CYBB: variants seen among roughly 807,000 people sequenced by gnomAD.
The protein encoded by CYBB is NADPH oxidase 2.
In CYBB, 5 loss-of-function variants were observed where a neutral mutation model predicts 46.5. The observed-to-expected ratio is 0.11, with a 90% CI of 0.06 to 0.23. The LOEUF is 0.23. Among genes scored for constraint, CYBB ranks in the 10% least tolerant of loss-of-function variants. CYBB has a pLI of 1.00. For synonymous variants in CYBB, 183 were observed against 156.7 expected (o/e 1.17, Z -1.26); for missense variants, 307 against 428.3 (o/e 0.72, Z 2.50).
At chrX:37,785,987 C>T (rs982258023) in intron 3 of CYBB, among the ~76,000 whole-genome samples, 9 of 111,524 alleles carry the variant, frequency 8.1e-5, no homozygotes, top group Non-Finnish European at 1.5e-4. Flanking sequence ...ATGAGACTGC[C>T]CTTCAAATCG....
At position 37,809,608 on chromosome X, in the gene CYBB, G is replaced by A. The variant is rs187491185; in HGVS notation, c.1503G>A (p.Val501=). 3.3e-6 allele frequency: 4 copies of A among 1,201,978 alleles called. No homozygotes were observed. In the Admixed American group the frequency reaches 8.9e-5, roughly 27 times the overall value. Residue 501 remains valine (V), a synonymous_variant, in exon 12 of 13, where the codon GTG becomes GTA. Coordinates refer to ENST00000378588, the MANE Select transcript of CYBB (RefSeq NM_000397.4). ...FAVHHDEEKD[V]ITGLKQKTLY... is the part of the protein sequence containing the mutation. The stretch of plus-strand genomic sequence containing the variant: ...TGCACCATGATGAGGAGAAAGATGT[G>A]ATCACAGGCCTGAAACAAAAGACTT...
chrX:37,801,586 T>TTGTGTGTGTGTGTGTG lies in CYBB; in HGVS notation c.897+266_897+281dup, dbSNP rs58302662. ...TCTGGACATCAATCTCCCCCACCCATTGTGTGTGTGTGTGTGTGTGTGTGT... is the reference window on the plus strand; with the variant it reads ...TCTGGACATCAATCTCCCCCACCCATTGTGTGTGTGTGTGTGTGTGTGTGTGTGTGTGTGTGTGTGT... On this transcript the variant is annotated intron_variant, in intron 8 of 12. Coordinates refer to ENST00000378588, the MANE Select transcript of CYBB (RefSeq NM_000397.4). 6.3e-3 allele frequency among the ~76,000 whole-genome samples: 529 copies of TTGTGTGTGTGTGTGTG among 84,465 alleles called. 3 individuals carry two copies. The highest frequency in any genetic ancestry group is 9.6e-3 in the Non-Finnish European group (418 of 43,334). The allele number at this position is 84,465 out of a possible 115,157, so 73.3% of individuals were successfully genotyped here.
intron 11 of CYBB, among the ~76,000 whole-genome samples, chrX:37,806,896 CTGTGTGTG>C (rs72172606): frequency 9.4e-5 from 10 of 106,340 alleles, no homozygotes; most frequent in Non-Finnish European, 1.7e-4. Context: ...CTCTCTGTCT[CTGTGTGTG>C]TGTGTGTGTG....
At position 37,806,622 on chromosome X, in the gene CYBB, A is replaced by C. The variant is rs12842505; in HGVS notation, c.1461+89A>C. 3 of 892,065 alleles carry C rather than the reference A, an allele frequency of 3.4e-6. No individual in the cohort carries two copies. In the African/African-American group the frequency reaches 6.0e-5, roughly 18 times the overall value. The allele number at this position is 892,065 out of a possible 1,213,427, so 73.5% of individuals were successfully genotyped here. A position where few individuals can be genotyped will look rare whatever the true frequency, so the allele number is the denominator to read the frequency against. ...TGGTTATTGGTGTGTCTTGTGTACT[A>C]TTTTTTCTAAGTATGTTTAGTGGAT... On this transcript the variant is annotated intron_variant, in intron 11 of 12. Coordinates refer to ENST00000378588, the MANE Select transcript of CYBB (RefSeq NM_000397.4).
chrX:37,798,850 A>C, intron 6 of CYBB, 105 bp from the exon 7 acceptor site: 1 of 850,512 alleles, frequency 1.2e-6, no homozygotes, highest in Non-Finnish European at 1.7e-6. Context: ...TTTAAGTGAA[A>C]AGTACAGGGC....
At chrX:37,791,285 G>T (rs1385816510) in intron 3 of CYBB, among the ~76,000 whole-genome samples, 24 of 111,155 alleles carry the variant, frequency 2.2e-4, no homozygotes, top group Non-Finnish European at 3.8e-4. Flanking sequence ...GAATTAAAGA[G>T]TTAATTTGAT....
chrX:37,794,995 T>C (rs1929272638), intron 5 of CYBB, among the ~76,000 whole-genome samples: 1 of 112,003 alleles, frequency 8.9e-6, no homozygotes, highest in Non-Finnish European at 1.9e-5. Context: ...TTTTACATTA[T>C]TCATTGTTTG....
chrX:37,811,188 A>G lies in CYBB; in HGVS notation c.*271A>G. On this transcript the variant is annotated 3_prime_UTR_variant, in exon 13 of 13. Coordinates refer to ENST00000378588, the MANE Select transcript of CYBB (RefSeq NM_000397.4). ...AGTTAGGGAAAAGATTCTTGGACTC[A>G]ATTTTAGAATCAAAAGGGAAAGGAT... The G allele has an allele frequency of 3.6e-6, 1 of 274,834 alleles. No homozygotes were observed. The highest frequency in any genetic ancestry group is 6.6e-6 in the Non-Finnish European group (1 of 150,634). The allele number at this position is 274,834 out of a possible 1,213,427, so 22.6% of individuals were successfully genotyped here. A position where few individuals can be genotyped will look rare whatever the true frequency, so the allele number is the denominator to read the frequency against.
At chrX:37,806,572 T>C (rs1556471746) in intron 11 of CYBB, 39 bp downstream of exon 11, 1 of 1,165,251 alleles carries the variant, frequency 8.6e-7, no homozygotes, top group Admixed American at 2.2e-5. Flanking sequence ...CTTCCCATAG[T>C]GTACAGGGCT....
Position 37,796,009 on chromosome X carries a change from T to C in CYBB, c.542T>C (p.Val181Ala), listed in dbSNP as rs1929299081. ...CTGTTGGCAGGCATCACTGGAGTTG[T>C]CATCACGCTGTGCCTCATATTAATT... Reference protein sequence around the residue: ...VTLLAGITGVVITLCLILIIT... With the variant: ...VTLLAGITGVAITLCLILIIT... Residue 181 changes from valine to alanine, a missense_variant, in exon 6 of 13, where the codon GTC becomes GCC. Physicochemically the swap from Val to Ala is moderately conservative, Grantham distance 64. Transcript: ENST00000378588. The C allele has an allele frequency of 8.3e-7, 1 of 1,206,977 alleles. No individual in the cohort carries two copies. The highest frequency in any genetic ancestry group is 1.1e-6 in the Non-Finnish European group (1 of 893,283).
chrX:37,800,457 T>C (rs1556469580), intron 7 of CYBB, among the ~76,000 whole-genome samples: 1 of 111,579 alleles, frequency 9.0e-6, no homozygotes, highest in Non-Finnish European at 1.9e-5. Flanking sequence ...AGTAGAAAGA[T>C]TATATGTGAG....
At chrX:37,808,259 TG>T (rs1230081963) in intron 11 of CYBB, among the ~76,000 whole-genome samples, 1 of 112,018 alleles carries the variant, frequency 8.9e-6, no homozygotes, top group Non-Finnish European at 1.9e-5. Context: ...ATCTTCTGGG[TG>T]GGAGAAATAC....
At chrX:37,789,058 G>C (rs1316441016) in intron 3 of CYBB, among the ~76,000 whole-genome samples, 2 of 111,027 alleles carry the variant, frequency 1.8e-5, no homozygotes, top group Non-Finnish European at 3.8e-5. Flanking sequence ...TGTAGCACTA[G>C]AGGTCCCTGT....
Position 37,809,048 on chromosome X carries a change from G to GCACACACACACATA in CYBB, c.1462-509_1462-496dup, listed in dbSNP as rs1556472474. ...TGTGACTATATACACATATGTGCGT[G>GCACACACACACATA]CACACACACACATACACACACACTA... On this transcript the variant is annotated intron_variant, in intron 11 of 12. Transcript: ENST00000378588. Among the ~76,000 whole-genome samples, 225 of 112,101 alleles carry GCACACACACACATA rather than the reference G, an allele frequency of 2.0e-3. 1 individual carries two copies. The highest frequency in any genetic ancestry group is 7.0e-3 in the African/African-American group (218 of 30,929).
intron 9 of CYBB, 146 bp downstream of exon 9, chrX:37,804,276 A>G: frequency 1.8e-6 from 1 of 554,679 alleles, no homozygotes; most frequent in Admixed American, 3.0e-5. Context: ...TCACCGTTTC[A>G]TATGTGTAGT....
intron 5 of CYBB, 54 bp from the exon 6 acceptor site, chrX:37,795,897 T>C (rs1929292599): frequency 2.2e-6 from 1 of 455,243 alleles, no homozygotes; most frequent in Non-Finnish European, 3.4e-6. Context: ...CACATGTGTG[T>C]GTGTGTGTGT....
rs781836998 is a variant in CYBB at position 37,796,006 on chromosome X, T to C, written c.539T>C (p.Val180Ala). The C allele has an allele frequency of 8.3e-7, 1 of 1,207,613 alleles. No individual in the cohort carries two copies. Among genetic ancestry groups the C allele is most frequent in the Non-Finnish European group, 1.1e-6 (1 of 893,424 alleles). The change falls in exon 6 of 13, where the codon GTT (valine) becomes GCT (alanine). Residue 180 changes from valine to alanine, a missense_variant. Physicochemically the swap from Val to Ala is moderately conservative, Grantham distance 64. Coordinates refer to ENST00000378588, the MANE Select transcript of CYBB (RefSeq NM_000397.4). ...AVTLLAGITGVVITLCLILII... is the reference protein window; with the variant it reads ...AVTLLAGITGAVITLCLILII... ...ACCCTGTTGGCAGGCATCACTGGAG[T>C]TGTCATCACGCTGTGCCTCATATTA... is the stretch of plus-strand genomic sequence containing the variant.
intron 3 of CYBB, among the ~76,000 whole-genome samples, chrX:37,787,906 A>T (rs1556465880): frequency 8.9e-6 from 1 of 111,870 alleles, no homozygotes; most frequent in Non-Finnish European, 1.9e-5. Flanking sequence ...GGGAAAAATT[A>T]GGGATTTGTG....
intron 7 of CYBB, among the ~76,000 whole-genome samples, chrX:37,799,747 T>C (rs1309830043): frequency 9.0e-6 from 1 of 111,672 alleles, no homozygotes; most frequent in Admixed American, 9.5e-5. Context: ...CACTGCTCCA[T>C]AGAGTAAGAT....
Sources: allele counts gnomAD v4.1 joint callset (sites outside exome capture counted in the v4.1 genomes callset), GRCh38; gene constraint gnomAD v4.1.1; transcripts MANE v1.5; gene names NCBI Gene and HGNC (gene_info 2026-07-23, HGNC 2026-07-21).